Variants in NSD2 observed in about 807,000 individuals in gnomAD.
NSD2 encodes nuclear receptor binding SET domain protein 2, also known as histone-lysine N-methyltransferase NSD2.
Under a neutral mutation model 139.0 loss-of-function variants are expected in NSD2, and 12 were observed. That is an observed-to-expected ratio of 0.09 (90% CI 0.06 to 0.14). NSD2 has a LOEUF of 0.14. Among genes scored for constraint, NSD2 ranks in the 10% least tolerant of loss-of-function variants. The pLI, the probability that NSD2 is intolerant of heterozygous loss-of-function variation, is 1.00. For synonymous variants in NSD2, 669 were observed against 648.7 expected (o/e 1.03, Z -0.48); for missense variants, 1,155 against 1,745.0 (o/e 0.66, Z 6.02).
chr4:1,968,195 A>G (rs1008500767), intron 18 of NSD2, among the ~76,000 whole-genome samples: 11 of 152,244 alleles, frequency 7.2e-5, no homozygotes, highest in African/African-American at 2.7e-4. Flanking sequence ...ATATTTTAGG[A>G]AGAAGAACAT....
chr4:1,938,995 A>C (rs1045088036), intron 8 of NSD2, among the ~76,000 whole-genome samples: 2 of 152,214 alleles, frequency 1.3e-5, no homozygotes, highest in Admixed American at 1.3e-4. Context: ...AATTGTCAAA[A>C]AAATAAGAGG....
Position 1,957,182 on chromosome 4 carries a change from G to A in NSD2, c.2882-751G>A, listed in dbSNP as rs371036686. The stretch of plus-strand genomic sequence containing the variant: ...ATGGGGCTGGCCTCCTTCTTGGGAC[G>A]GATTGTAGGGGTGTGTGTTTCCTCG... On this transcript the variant is annotated intron_variant, in intron 15 of 21. Transcript: ENST00000508803. Among the ~76,000 whole-genome samples, 16 of 152,250 alleles carry A rather than the reference G, an allele frequency of 1.1e-4. No homozygotes were observed. In the East Asian group the frequency reaches 2.1e-3, roughly 20 times the overall value.
Position 1,978,937 on chromosome 4 carries a change from G to C in NSD2, c.*28G>C. The C allele has an allele frequency of 6.8e-7, 1 of 1,472,520 alleles. No individual in the cohort carries two copies. Among genetic ancestry groups the C allele is most frequent in the Non-Finnish European group, 9.0e-7 (1 of 1,109,110 alleles). 91.2% of individuals were successfully genotyped at this position (1,472,520 alleles called of 1,614,324 possible). On this transcript the variant is annotated 3_prime_UTR_variant, in exon 22 of 22. Coordinates refer to ENST00000508803, the MANE Select transcript of NSD2 (RefSeq NM_001042424.3). ...CCAGGCGGCCGCTTGGCCGGATCCAGGGGCGGTGCAGGGCGGCCGGCCCTG... is the reference window on the plus strand; with the variant it reads ...CCAGGCGGCCGCTTGGCCGGATCCACGGGCGGTGCAGGGCGGCCGGCCCTG...
rs190285879 is a variant in NSD2, at chr4:1,948,131, G to A, written c.1882-2941G>A. 1 of 1,061,242 alleles carries A rather than the reference G, an allele frequency of 9.4e-7. No homozygotes were observed. The highest frequency in any genetic ancestry group is 1.1e-6 in the Non-Finnish European group (1 of 876,426). 65.7% of individuals were successfully genotyped at this position (1,061,242 alleles called of 1,614,324 possible). A position where few individuals can be genotyped will look rare whatever the true frequency, so the allele number is the denominator to read the frequency against. On this transcript the variant is annotated intron_variant, in intron 9 of 21. Transcript: ENST00000508803. The surrounding 1 kb of genome is among the most constrained non-coding windows in gnomAD (Gnocchi z 4.5). ...ACTATCTTATTCTGAGTAGAGAGTG[G>A]AGAAAGTATTTTCAGACTGAAGAAA...
At chr4:1,882,872 CTG>C (rs1714807633) in intron 1 of NSD2, among the ~76,000 whole-genome samples, 1 of 152,124 alleles carries the variant, frequency 6.6e-6, no homozygotes, top group Admixed American at 6.5e-5. Context: ...GCCCAACAAT[CTG>C]TGTTCTAATG....
At chr4:1,873,425 T>A (rs893957978) in intron 1 of NSD2, among the ~76,000 whole-genome samples, 3 of 152,230 alleles carry the variant, frequency 2.0e-5, no homozygotes, top group Non-Finnish European at 2.9e-5. Context: ...AACAAAATTA[T>A]AAGGTCAGCA....
chr4:1,971,664 G>GGGGACCT (rs961745231), intron 18 of NSD2, among the ~76,000 whole-genome samples: 11 of 152,302 alleles, frequency 7.2e-5, no homozygotes, highest in Admixed American at 3.3e-4. Context: ...CATGGGAGGA[G>GGGGACCT]GGGACCTGGG....
At chr4:1,907,813 A>G (rs1363251151) in intron 3 of NSD2, among the ~76,000 whole-genome samples, 1 of 152,020 alleles carries the variant, frequency 6.6e-6, no homozygotes, top group East Asian at 1.9e-4. Context: ...GGGTTTCACC[A>G]TGTTGGCCAG....
Position 1,940,268 on chromosome 4 carries a change from A to G in NSD2, c.1881+490A>G, listed in dbSNP as rs547324166. On this transcript the variant is annotated intron_variant, in intron 9 of 21. Coordinates refer to ENST00000508803, the MANE Select transcript of NSD2 (RefSeq NM_001042424.3). ...AGATTTCTTTGTTCTCATGCATTTC[A>G]TGGCTTTGGTCCTTTAAATTCTGGC... The G allele has an allele frequency of 3.3e-5, 36 of 1,074,678 alleles. No individual in the cohort carries two copies. The African/African-American group carries it at 5.4e-4, about 16-fold the overall frequency. 66.6% of individuals were successfully genotyped at this position (1,074,678 alleles called of 1,614,324 possible). A position where few individuals can be genotyped will look rare whatever the true frequency, so the allele number is the denominator to read the frequency against.
At chr4:1,930,131 G>A (rs1488019800) in intron 5 of NSD2, among the ~76,000 whole-genome samples, 1 of 152,112 alleles carries the variant, frequency 6.6e-6, no homozygotes, top group Non-Finnish European at 1.5e-5. Context: ...GTGCTGGCCT[G>A]GGCTGTGACA....
chr4:1,934,126 C>G (rs1339905871), intron 6 of NSD2, among the ~76,000 whole-genome samples: 1 of 150,370 alleles, frequency 6.7e-6, no homozygotes, highest in Non-Finnish European at 1.5e-5. Flanking sequence ...GTTCTTGTTG[C>G]CCAGGCTGGA....
intron 3 of NSD2, among the ~76,000 whole-genome samples, chr4:1,914,215 G>T (rs1266146048): frequency 6.6e-6 from 1 of 152,074 alleles, no homozygotes; most frequent in Non-Finnish European, 1.5e-5. Flanking sequence ...TAGAGATGGG[G>T]TTTTGCTATG....
At chr4:1,921,102 AATC>A (rs1171799530) in intron 5 of NSD2, among the ~76,000 whole-genome samples, 1 of 152,200 alleles carries the variant, frequency 6.6e-6, no homozygotes. Flanking sequence ...GAACTTCCTA[AATC>A]TGTTTAAGGA....
At chr4:1,925,961 C>A (rs1720857729) in intron 5 of NSD2, among the ~76,000 whole-genome samples, 1 of 151,710 alleles carries the variant, frequency 6.6e-6, no homozygotes, top group Non-Finnish European at 1.5e-5. Context: ...TGCCACCACG[C>A]CTGGCTAACT....
intron 1 of NSD2, among the ~76,000 whole-genome samples, chr4:1,894,332 C>T (rs1424932255): frequency 6.6e-6 from 1 of 152,132 alleles, no homozygotes; most frequent in East Asian, 1.9e-4. Flanking sequence ...ATTTATTTTG[C>T]TCAGAACATA....
At chr4:1,936,728 A>C (rs1301827345) in intron 7 of NSD2, among the ~76,000 whole-genome samples, 1 of 152,132 alleles carries the variant, frequency 6.6e-6, no homozygotes, top group Admixed American at 6.6e-5. Context: ...ATTTTGAGTA[A>C]AGCTTCATCC....
chr4:1,906,270 G>C (rs984490941), intron 3 of NSD2, among the ~76,000 whole-genome samples: 1 of 151,986 alleles, frequency 6.6e-6, no homozygotes, highest in Non-Finnish European at 1.5e-5. Flanking sequence ...ATGGAGGCTC[G>C]CTCCATCACC....
chr4:1,959,350 G>A, intron 16 of NSD2, 121 bp from the exon 17 acceptor site: 1 of 1,145,522 alleles, frequency 8.7e-7, no homozygotes, highest in Non-Finnish European at 1.3e-6. Flanking sequence ...GTCCTAGCCA[G>A]GACTCTGAAG....
intron 1 of NSD2, among the ~76,000 whole-genome samples, chr4:1,884,450 G>A (rs1714930652): frequency 6.6e-6 from 1 of 151,976 alleles, no homozygotes; most frequent in East Asian, 1.9e-4. Context: ...CTGGAGTGCA[G>A]TGGCCCAATC....
Sources: gnomAD v4.1 joint callset for allele counts (sites outside exome capture counted in the v4.1 genomes callset) on GRCh38, gnomAD v4.1.1 for gene constraint, Gnocchi (gnomAD v3.1) non-coding constraint, MANE v1.5 for transcripts, NCBI Gene and HGNC (gene_info 2026-07-23, HGNC 2026-07-21) for gene names.